EVL: variants seen among roughly 807,000 people sequenced by gnomAD.
EVL encodes Enah/Vasp-like.
In EVL, 21 loss-of-function variants were observed where a neutral mutation model predicts 59.6. The observed-to-expected ratio is 0.35, with a 90% CI of 0.25 to 0.51. The LOEUF (loss-of-function observed/expected upper bound fraction) is 0.51, where lower values mean the gene tolerates loss of function less well. Among genes scored for constraint, EVL ranks in the 20% least tolerant of loss-of-function variants. The probability of loss-of-function intolerance (pLI) is 0.97; values close to 1 mark genes in which losing one functional copy is unlikely to be tolerated. For synonymous variants in EVL, 198 were observed against 203.5 expected (o/e 0.97, Z 0.23); for missense variants, 462 against 546.6 (o/e 0.85, Z 1.54).
chr14:100,106,602 T>G (rs990589551), intron 3 of EVL: 1 of 369,630 alleles, frequency 2.7e-6, no homozygotes, highest in Non-Finnish European at 4.8e-6. Flanking sequence ...ATGTAAGGCA[T>G]TATATCCGAA....
intron 1 of EVL, among the ~76,000 whole-genome samples, chr14:100,043,090 G>A (rs1408924674): frequency 1.3e-5 from 2 of 152,066 alleles, no homozygotes; most frequent in East Asian, 3.9e-4. Flanking sequence ...ACATAGACCT[G>A]TTCACCATGG....
intron 2 of EVL, among the ~76,000 whole-genome samples, chr14:100,089,068 C>T (rs1474067428): frequency 2.0e-5 from 3 of 152,098 alleles, no homozygotes; most frequent in Admixed American, 6.5e-5. Flanking sequence ...CTTTTTAATG[C>T]TAAAAGGGCA....
intron 2 of EVL, among the ~76,000 whole-genome samples, chr14:100,092,105 T>C (rs2062577552): frequency 6.6e-6 from 1 of 151,810 alleles, no homozygotes; most frequent in African/African-American, 2.4e-5. Flanking sequence ...TAGCTAGGCA[T>C]GGTGGCACAC....
intron 1 of EVL, among the ~76,000 whole-genome samples, chr14:100,050,732 G>A (rs1339399406): frequency 1.4e-5 from 2 of 138,954 alleles, no homozygotes; most frequent in Admixed American, 1.6e-4. Context: ...TATTACTTGT[G>A]TATGAGCTCA....
chr14:100,074,079 G>A (rs1031153742), intron 1 of EVL, among the ~76,000 whole-genome samples: 5 of 152,132 alleles, frequency 3.3e-5, no homozygotes, highest in African/African-American at 9.7e-5. Context: ...ATCAGGGCCC[G>A]GAAACTGATT....
At chr14:100,006,416 C>T (rs778527210) in intron 1 of EVL, among the ~76,000 whole-genome samples, 6 of 151,460 alleles carry the variant, frequency 4.0e-5, no homozygotes, top group African/African-American at 9.7e-5. Context: ...TCCCAAGTAG[C>T]GGGGATTACA....
chr14:100,141,079 G>A (rs572588580), intron 11 of EVL, 101 bp from the exon 12 acceptor site: 25 of 1,132,736 alleles, frequency 2.2e-5, no homozygotes, highest in South Asian at 1.9e-4. Context: ...TCTATGGAGC[G>A]AGGGGAGCAG....
chr14:100,032,422 C>A (rs1378354870), intron 1 of EVL, among the ~76,000 whole-genome samples: 1 of 152,108 alleles, frequency 6.6e-6, no homozygotes, highest in Non-Finnish European at 1.5e-5. Context: ...TCAATTCATC[C>A]CTACCCATGA....
chr14:99,975,088 C>A, intron 1 of EVL: 1 of 152,614 alleles, frequency 6.6e-6, no homozygotes, highest in Non-Finnish European at 1.5e-5. Flanking sequence ...CTGGATGCCA[C>A]TGCTGTGGCT....
chr14:100,012,283 T>C (rs1238595096), intron 1 of EVL, among the ~76,000 whole-genome samples: 1 of 152,214 alleles, frequency 6.6e-6, no homozygotes, highest in Non-Finnish European at 1.5e-5. Context: ...TTTCTAACTG[T>C]TGGAAAGGCC....
At chr14:99,997,033 A>G (rs2060918304) in intron 1 of EVL, among the ~76,000 whole-genome samples, 1 of 152,228 alleles carries the variant, frequency 6.6e-6, no homozygotes, top group South Asian at 2.1e-4. Context: ...TAGACTAGCA[A>G]TTCCAAGCTT....
At chr14:100,073,700 C>T (rs567870044) in intron 1 of EVL, among the ~76,000 whole-genome samples, 1 of 152,206 alleles carries the variant, frequency 6.6e-6, no homozygotes, top group East Asian at 1.9e-4. Flanking sequence ...TCATGCCACC[C>T]CCACCACAAA....
At chr14:100,117,958 T>G (rs1344456813) in intron 3 of EVL, among the ~76,000 whole-genome samples, 1 of 152,242 alleles carries the variant, frequency 6.6e-6, no homozygotes, top group Non-Finnish European at 1.5e-5. Flanking sequence ...ATCCACGTAC[T>G]TAACAAATAT....
chr14:100,118,551 T>C (rs1314055180), intron 3 of EVL, among the ~76,000 whole-genome samples: 1 of 152,204 alleles, frequency 6.6e-6, no homozygotes, highest in Non-Finnish European at 1.5e-5. Flanking sequence ...GCCTGTAGTG[T>C]GTCCCAGGTA....
chr14:100,132,872 A>G, intron 8 of EVL, 93 bp downstream of exon 8: 3 of 1,376,064 alleles, frequency 2.2e-6, no homozygotes, highest in East Asian at 2.3e-5. Flanking sequence ...CCTTTGGGAC[A>G]TGCGTGGGAT....
At chr14:100,093,323 AT>A (rs566348893) in intron 2 of EVL, among the ~76,000 whole-genome samples, 1 of 152,220 alleles carries the variant, frequency 6.6e-6, no homozygotes, top group Non-Finnish European at 1.5e-5. Flanking sequence ...GTGCAGTATT[AT>A]TTATAATATT....
chr14:100,070,360 T>C (rs1278934542), intron 1 of EVL, among the ~76,000 whole-genome samples: 1 of 152,222 alleles, frequency 6.6e-6, no homozygotes, highest in East Asian at 1.9e-4. Context: ...AGGATCAAAA[T>C]CTGCCCTCTC....
rs79121115 is a variant in EVL at position 100,140,728 on chromosome 14, G to A, written c.1095-452G>A. The A allele has an allele frequency of 7.4e-3, 1,172 of 158,066 alleles. 19 individuals are homozygous for A. The highest frequency in any genetic ancestry group is 0.026 in the African/African-American group (1,081 of 41,656). The allele number at this position is 158,066 out of a possible 1,614,324, so 9.8% of individuals were successfully genotyped here. A position where few individuals can be genotyped will look rare whatever the true frequency, so the allele number is the denominator to read the frequency against. On this transcript the variant is annotated intron_variant, in intron 11 of 13. Coordinates refer to ENST00000392920, the MANE Select transcript of EVL (RefSeq NM_016337.3). ...TGTGTCAGGAGCGCGCCTCCAGGCC[G>A]GTGTGAACTCTGCAACTTCACATTG...
At chr14:100,065,686 C>T (rs2061915977) in intron 1 of EVL, among the ~76,000 whole-genome samples, 175 bp downstream of exon 1, 1 of 152,176 alleles carries the variant, frequency 6.6e-6, no homozygotes, top group African/African-American at 2.4e-5. Flanking sequence ...TGACAGTCTG[C>T]TCCCTCTCTA....
Sources: gnomAD v4.1 joint callset for allele counts (sites outside exome capture counted in the v4.1 genomes callset) on GRCh38, gnomAD v4.1.1 for gene constraint, MANE v1.5 for transcripts, NCBI Gene and HGNC (gene_info 2026-07-23, HGNC 2026-07-21) for gene names.